DMD: variants seen among roughly 807,000 people sequenced by gnomAD.
DMD encodes dystrophin, also known as mutant dystrophin.
A neutral mutation model predicts 330.1 loss-of-function variants in DMD; 63 were observed. The observed-to-expected ratio is 0.19, with a 90% confidence interval of 0.16 to 0.24. DMD has a LOEUF of 0.24. Among genes scored for constraint, DMD ranks in the 10% least tolerant of loss-of-function variants. DMD has a pLI of 1.00. For missense variants in DMD, 3,344 were observed against 2,684.1 expected (o/e 1.25, Z -5.43); for synonymous variants, 1,223 against 959.8 (o/e 1.27, Z -5.07).
Position 32,365,009 on chromosome X carries a change from T to A in DMD, c.5025+11A>T, listed in dbSNP as rs1290448039. The stretch of plus-strand genomic sequence containing the variant: ...GAGAAGGGTGTAAAAGCTTCTAGCC[T>A]TTTCTCTTACCAACAAAAGATTTAA... On this transcript the variant is annotated intron_variant, in intron 35 of 78. Coordinates refer to ENST00000357033, the MANE Select transcript of DMD (RefSeq NM_004006.3). The A allele has an allele frequency of 2.5e-6, 3 of 1,207,654 alleles. No individual in the cohort carries two copies. Among genetic ancestry groups the A allele is most frequent in the South Asian group, 1.8e-5 (1 of 56,770 alleles).
intron 47 of DMD, among the ~76,000 whole-genome samples, chrX:31,883,149 A>G (rs2094101617): frequency 1.8e-5 from 2 of 112,108 alleles, no homozygotes; most frequent in South Asian, 7.4e-4. Context: ...TAAACTAACT[A>G]TGGCACAGGC....
At chrX:31,989,804 T>C (rs1398563160) in intron 44 of DMD, among the ~76,000 whole-genome samples, 3 of 111,546 alleles carry the variant, frequency 2.7e-5, no homozygotes, top group Non-Finnish European at 5.6e-5. Context: ...GATTTCCTTT[T>C]TTTAATCTCT....
chrX:32,912,776 A>T (rs1198303739), intron 2 of DMD, among the ~76,000 whole-genome samples: 2 of 111,524 alleles, frequency 1.8e-5, no homozygotes, highest in Non-Finnish European at 3.8e-5. Context: ...TTTCACGACC[A>T]CCGTTATCTC....
chrX:32,315,310 T>A (rs2097579172), intron 41 of DMD, among the ~76,000 whole-genome samples: 1 of 110,972 alleles, frequency 9.0e-6, no homozygotes, highest in African/African-American at 3.3e-5. Context: ...CACTGCATGT[T>A]CTCACTGATA....
At chrX:32,340,394 A>T (rs755024167) in intron 41 of DMD, among the ~76,000 whole-genome samples, 1 of 111,816 alleles carries the variant, frequency 8.9e-6, no homozygotes, top group East Asian at 2.8e-4. Flanking sequence ...TTAAAAATAT[A>T]TACTGGTTCA....
chrX:33,245,908 T>C lies in DMD; in HGVS notation c.7+93351A>G, dbSNP rs993692529. On this transcript the variant is annotated intron_variant, in intron 1 of 17. Coordinates refer to the DMD transcript ENST00000288447. Reference sequence around the variant, plus strand: ...TGTAAAAAAATAAAAATCTAGCTTCTGTAACTAGGAACACTACAAAACTGA... The same window carrying C: ...TGTAAAAAAATAAAAATCTAGCTTCCGTAACTAGGAACACTACAAAACTGA... 2.7e-5 allele frequency among the ~76,000 whole-genome samples: 3 copies of C among 112,040 alleles called. No homozygotes were observed. The South Asian group carries it at 1.1e-3, about 41-fold the overall frequency.
intron 55 of DMD, among the ~76,000 whole-genome samples, chrX:31,607,747 T>A: frequency 8.9e-6 from 1 of 112,317 alleles, no homozygotes; most frequent in Middle Eastern, 4.6e-3. Context: ...TCTGAACATA[T>A]AAAAAGATTG....
chrX:32,513,126 A>G (rs1043440469), intron 18 of DMD, among the ~76,000 whole-genome samples: 2 of 111,993 alleles, frequency 1.8e-5, no homozygotes, highest in African/African-American at 6.5e-5. Flanking sequence ...CATCACAACC[A>G]TAGCGTGTCC....
At chrX:31,134,672 C>T (rs907348746) in intron 76 of DMD, among the ~76,000 whole-genome samples, 1 of 112,127 alleles carries the variant, frequency 8.9e-6, no homozygotes, top group Non-Finnish European at 1.9e-5. Context: ...CTGCCCACCT[C>T]AGCCTCCCAA....
In DMD at chrX:31,206,650, A is replaced by T; in HGVS notation, c.9581T>A (p.Ile3194Asn). ...GCCAGTTTTAAAAGACAGGACACGG[A>T]TCCTCCCTGTTCGTCCCCTATTATG... The part of the protein sequence containing the change: ...NVYDTGRTGR[I>N]RVLSFKTGII... The change falls in exon 66 of 79, where the codon ATC (isoleucine) becomes AAC (asparagine). Residue 3194 changes from isoleucine to asparagine, a missense_variant. Transcript: ENST00000357033. 1 of 1,209,986 alleles carries T rather than the reference A, an allele frequency of 8.3e-7. No homozygotes were observed.
intron 44 of DMD, among the ~76,000 whole-genome samples, chrX:32,131,423 A>G (rs958011914): frequency 9.0e-6 from 1 of 111,372 alleles, no homozygotes; most frequent in African/African-American, 3.3e-5. Context: ...CCTGAAGTTT[A>G]GAAGGGGTAA....
In DMD at chrX:31,929,709, G is replaced by C. The variant is rs758654750; in HGVS notation, c.6799C>G (p.Leu2267Val). 1.7e-6 allele frequency: 2 copies of C among 1,209,489 alleles called. No homozygotes were observed. Among genetic ancestry groups the C allele is most frequent in the Non-Finnish European group, 2.2e-6 (2 of 895,158 alleles). ...CCTCCAGTTTCATTTAATTGTTTGA[G>C]AATTCCCTGGCGCAGGGGCAACTCT... ...VEELPLRQGI[L>V]KQLNETGGPV... The change falls in exon 47 of 79, where the codon CTC becomes GTC. Residue 2267 changes from leucine to valine, a missense_variant. Physicochemically the swap from Leu to Val is conservative, Grantham distance 32. Coordinates refer to ENST00000357033, the MANE Select transcript of DMD (RefSeq NM_004006.3).
chrX:32,465,809 C>G (rs954681107), intron 23 of DMD, among the ~76,000 whole-genome samples: 13 of 110,658 alleles, frequency 1.2e-4, no homozygotes, highest in African/African-American at 3.9e-4. Context: ...TGGTCTTGAT[C>G]TCTTGACCTC....
intron 2 of DMD, among the ~76,000 whole-genome samples, chrX:33,012,453 A>G (rs772639037): frequency 2.7e-5 from 3 of 111,962 alleles, no homozygotes; most frequent in Non-Finnish European, 3.8e-5. Flanking sequence ...ATAAAAAGCA[A>G]TGTTTGAAAA....
intron 44 of DMD, among the ~76,000 whole-genome samples, chrX:32,117,405 C>T (rs1039986277): frequency 4.5e-5 from 5 of 111,926 alleles, no homozygotes; most frequent in East Asian, 2.8e-4. Context: ...TCTACTAATA[C>T]GGTTCCACAG....
chrX:32,041,371 T>C (rs761199698), intron 44 of DMD, among the ~76,000 whole-genome samples: 1 of 112,477 alleles, frequency 8.9e-6, no homozygotes, highest in Non-Finnish European at 1.9e-5. Flanking sequence ...GTCGTGGACC[T>C]GCCCACTTAC....
intron 9 of DMD, among the ~76,000 whole-genome samples, chrX:32,659,509 G>T (rs140159742): frequency 9.1e-6 from 1 of 110,446 alleles, no homozygotes; most frequent in Non-Finnish European, 1.9e-5. Context: ...AATTATAAGG[G>T]TGTGATTGTG....
chrX:33,176,560 G>GTA (rs2049668972), intron 1 of DMD, among the ~76,000 whole-genome samples: 1 of 8,193 alleles, frequency 1.2e-4, no homozygotes, highest in African/African-American at 2.9e-4. Flanking sequence ...AAGCACAGAA[G>GTA]TGTGTGTGTG....
chrX:32,556,992 G>A (rs1438836601), intron 16 of DMD, among the ~76,000 whole-genome samples: 1 of 111,430 alleles, frequency 9.0e-6, no homozygotes, highest in South Asian at 3.7e-4. Flanking sequence ...CATGATCCAG[G>A]CATTACAATA....
Sources: gnomAD v4.1 joint callset for allele counts (sites outside exome capture counted in the v4.1 genomes callset) on GRCh38, gnomAD v4.1.1 for gene constraint, MANE v1.5 for transcripts, NCBI Gene and HGNC (gene_info 2026-07-23, HGNC 2026-07-21) for gene names.